The following RNFT2 variants were observed in gnomAD, a reference collection of about 807,000 sequenced individuals.
The protein encoded by RNFT2 is ring finger protein, transmembrane 2.
Under a neutral mutation model 53.0 loss-of-function variants are expected in RNFT2, and 36 were observed. That is an observed-to-expected ratio of 0.68 (90% CI 0.52 to 0.90). The LOEUF is 0.90. RNFT2 is among the 40% of genes least tolerant of loss of function. The probability of loss-of-function intolerance (pLI) is 0.00; values close to 1 mark genes in which losing one functional copy is unlikely to be tolerated. For synonymous variants in RNFT2, 260 were observed against 253.2 expected, an observed-to-expected ratio of 1.03 and a Z score of -0.26; for missense variants, 514 against 585.6, an observed-to-expected ratio of 0.88 and a Z score of 1.26.
At chr12:116,769,526 T>C (rs1873079773) in intron 6 of RNFT2, among the ~76,000 whole-genome samples, 1 of 152,196 alleles carries the variant, frequency 6.6e-6, no homozygotes, top group Admixed American at 6.5e-5. Flanking sequence ...GGCTAAGGTG[T>C]ACGTTTATGT....
intron 1 of RNFT2, among the ~76,000 whole-genome samples, chr12:116,739,021 C>T (rs73220424): frequency 0.05 from 7,676 of 152,238 alleles, 393 homozygotes; most frequent in Admixed American, 0.16. Flanking sequence ...AGAAAGGAGG[C>T]TTCACTGGCG....
intron 7 of RNFT2, among the ~76,000 whole-genome samples, chr12:116,832,086 G>A (rs1015813660): frequency 5.0e-5 from 7 of 140,426 alleles, no homozygotes; most frequent in Admixed American, 3.0e-4. Context: ...AGCCATAGTC[G>A]CACAACTGCA....
In RNFT2 at chr12:116,849,308, C is replaced by T. The variant is rs1266295831; in HGVS notation, c.1201-6C>T. On this transcript the variant is annotated splice_polypyrimidine_tract_variant and splice_region_variant and intron_variant, in intron 10 of 10. Transcript: ENST00000257575. ...TCCTGGTGCCTGCTGATTGCTGTCCCCGCAGCACGTGTTCTGTGAGGAGTG... is the reference window on the plus strand; with the variant it reads ...TCCTGGTGCCTGCTGATTGCTGTCCTCGCAGCACGTGTTCTGTGAGGAGTG... 1.3e-6 allele frequency: 2 copies of T among 1,535,190 alleles called. No homozygotes were observed. Among genetic ancestry groups the T allele is most frequent in the Admixed American group, 2.0e-5 (1 of 50,874 alleles).
intron 7 of RNFT2, among the ~76,000 whole-genome samples, chr12:116,792,908 A>G (rs1025558173): frequency 6.6e-6 from 1 of 152,048 alleles, no homozygotes; most frequent in Non-Finnish European, 1.5e-5. Context: ...TGCTTTTGCT[A>G]TTTGGGTCGG....
intron 5 of RNFT2, among the ~76,000 whole-genome samples, chr12:116,757,719 T>C (rs1018988986): frequency 1.1e-4 from 16 of 152,226 alleles, no homozygotes; most frequent in African/African-American, 3.4e-4. Context: ...CTTAAATTTA[T>C]TGAGGCTCGT....
chr12:116,794,471 A>G (rs898207933), intron 7 of RNFT2, among the ~76,000 whole-genome samples: 2 of 150,422 alleles, frequency 1.3e-5, no homozygotes, highest in Non-Finnish European at 3.0e-5. Context: ...GGTGGTGCAC[A>G]CCTGCAATCC....
intron 7 of RNFT2, among the ~76,000 whole-genome samples, chr12:116,823,382 A>G (rs989052217): frequency 6.6e-6 from 1 of 152,152 alleles, no homozygotes; most frequent in Non-Finnish European, 1.5e-5. Flanking sequence ...CATGTTATAA[A>G]TGGTGACATA....
chr12:116,818,283 A>G (rs1875798164), intron 7 of RNFT2, among the ~76,000 whole-genome samples: 1 of 149,992 alleles, frequency 6.7e-6, no homozygotes. Context: ...AGATCGCACC[A>G]CTGCACTCCA....
chr12:116,743,414 G>A (rs141131766), intron 3 of RNFT2, among the ~76,000 whole-genome samples: 181 of 151,690 alleles, frequency 1.2e-3, no homozygotes, highest in African/African-American at 4.2e-3. Context: ...CCATAGGCAC[G>A]CACCACCACG....
chr12:116,795,847 C>T (rs1874479811), intron 7 of RNFT2, among the ~76,000 whole-genome samples: 1 of 152,112 alleles, frequency 6.6e-6, no homozygotes, highest in African/African-American at 2.4e-5. Context: ...TGACTTATTC[C>T]CCAGGTAACC....
chr12:116,782,237 G>A (rs1259770426), intron 7 of RNFT2: 6 of 151,866 alleles, frequency 4.0e-5, no homozygotes, highest in Non-Finnish European at 8.8e-5. Context: ...AGGGCTGTGT[G>A]TGGTGGCTCA....
intron 7 of RNFT2, among the ~76,000 whole-genome samples, chr12:116,812,979 A>G (rs11068196): frequency 0.052 from 7,954 of 151,994 alleles, 471 homozygotes; most frequent in East Asian, 0.14. Context: ...CTTTTGAAAC[A>G]GGGTCTCACT....
chr12:116,749,143 G>C (rs909282503), intron 3 of RNFT2, among the ~76,000 whole-genome samples: 6 of 152,132 alleles, frequency 3.9e-5, no homozygotes, highest in Non-Finnish European at 1.5e-5. Flanking sequence ...AATTCTGGAG[G>C]CTGGAAGGCT....
chr12:116,806,399 TAGATAGATAG>T (rs1875078260), intron 7 of RNFT2, among the ~76,000 whole-genome samples: 1 of 143,086 alleles, frequency 7.0e-6, no homozygotes. Context: ...TATATATATA[TAGATAGATAG>T]ATAGATAGAT....
At chr12:116,786,102 G>A (rs1165174569) in intron 7 of RNFT2, among the ~76,000 whole-genome samples, 2 of 151,770 alleles carry the variant, frequency 1.3e-5, no homozygotes, top group Non-Finnish European at 2.9e-5. Context: ...AGGCGATGGA[G>A]GTTAAGAGAT....
chr12:116,787,608 TGA>T (rs1475363678), intron 7 of RNFT2, among the ~76,000 whole-genome samples: 4 of 151,956 alleles, frequency 2.6e-5, no homozygotes, highest in African/African-American at 9.7e-5. Context: ...CCCAGCCAAT[TGA>T]GAGGCTGAAG....
intron 10 of RNFT2, among the ~76,000 whole-genome samples, chr12:116,846,264 T>G (rs1427510089): frequency 6.6e-6 from 1 of 150,784 alleles, no homozygotes; most frequent in Non-Finnish European, 1.5e-5. Flanking sequence ...TCCAAGTGCC[T>G]TCTTTTTTAT....
intron 7 of RNFT2, among the ~76,000 whole-genome samples, chr12:116,779,641 GA>G (rs1181300695): frequency 2.0e-5 from 3 of 151,738 alleles, no homozygotes; most frequent in African/African-American, 7.3e-5. Context: ...CCTGAGAGAG[GA>G]AAAAAAAGCA....
intron 7 of RNFT2, among the ~76,000 whole-genome samples, chr12:116,798,582 T>C (rs1874619564): frequency 6.6e-6 from 1 of 152,098 alleles, no homozygotes; most frequent in South Asian, 2.1e-4. Flanking sequence ...TTTTATTTTT[T>C]ATATTTTTGA....
Sources: allele counts gnomAD v4.1 joint callset (sites outside exome capture counted in the v4.1 genomes callset), GRCh38; gene constraint gnomAD v4.1.1; transcripts MANE v1.5; gene names NCBI Gene and HGNC (gene_info 2026-07-23, HGNC 2026-07-21).